SNTG1: variants seen among roughly 807,000 people sequenced by gnomAD.
SNTG1 encodes syntrophin gamma 1.
A neutral mutation model predicts 74.7 loss-of-function variants in SNTG1; 39 were observed. The observed-to-expected ratio is 0.52, with a 90% confidence interval of 0.40 to 0.68. The LOEUF (loss-of-function observed/expected upper bound fraction) is 0.68. Ranked by LOEUF, SNTG1 falls within the 30% of genes least tolerant of loss-of-function variation. The pLI, the probability that SNTG1 is intolerant of heterozygous loss-of-function variation, is 0.00. For missense variants in SNTG1, 685 were observed against 609.5 expected, an observed-to-expected ratio of 1.12 and a Z score of -1.30; for synonymous variants, 254 against 217.1, an observed-to-expected ratio of 1.17 and a Z score of -1.49.
intron 12 of SNTG1, among the ~76,000 whole-genome samples, chr8:50,559,486 C>G (rs1023061720): frequency 1.3e-5 from 2 of 151,952 alleles, no homozygotes; most frequent in Non-Finnish European, 1.5e-5. Context: ...GCAGGTTGAA[C>G]AAATAGTAAG....
chr8:50,165,685 A>G (rs866701757), intron 1 of SNTG1, among the ~76,000 whole-genome samples: 1 of 152,168 alleles, frequency 6.6e-6, no homozygotes, highest in African/African-American at 2.4e-5. Context: ...TGCAACTATA[A>G]TTTTCAGATA....
chr8:50,427,292 T>C (rs1445393208), intron 4 of SNTG1, among the ~76,000 whole-genome samples: 2 of 152,184 alleles, frequency 1.3e-5, no homozygotes, highest in African/African-American at 2.4e-5. Context: ...AAGTAAGCTT[T>C]GCAGAAATGT....
intron 1 of SNTG1, among the ~76,000 whole-genome samples, chr8:50,153,939 T>C (rs528387835): frequency 8.6e-4 from 131 of 152,226 alleles, no homozygotes; most frequent in South Asian, 3.3e-3. Context: ...CTGTCAGACA[T>C]GAACATTTAA....
At chr8:50,117,755 C>T (rs1213145798) in intron 1 of SNTG1, among the ~76,000 whole-genome samples, 2 of 152,298 alleles carry the variant, frequency 1.3e-5, no homozygotes, top group Non-Finnish European at 1.5e-5. Flanking sequence ...TGTAGATAAG[C>T]ATGTACTAGC....
chr8:50,702,493 A>C (rs149352832), intron 15 of SNTG1, among the ~76,000 whole-genome samples: 61 of 152,288 alleles, frequency 4.0e-4, no homozygotes, highest in African/African-American at 1.4e-3. Context: ...GAAACAATGA[A>C]AATAGTTATT....
At chr8:49,949,588 T>C (rs575344702) in intron 1 of SNTG1, among the ~76,000 whole-genome samples, 1 of 152,214 alleles carries the variant, frequency 6.6e-6, no homozygotes, top group Non-Finnish European at 1.5e-5. Flanking sequence ...CATTACTTCA[T>C]AGATGGACTC....
chr8:50,207,587 GT>G (rs1184967228), intron 2 of SNTG1, among the ~76,000 whole-genome samples: 2 of 152,032 alleles, frequency 1.3e-5, no homozygotes, highest in African/African-American at 4.8e-5. Flanking sequence ...TCTGATCTTA[GT>G]TATTTCTTGC....
chr8:50,636,233 G>C (rs925063517), intron 13 of SNTG1, among the ~76,000 whole-genome samples: 2 of 151,176 alleles, frequency 1.3e-5, no homozygotes, highest in African/African-American at 4.9e-5. Context: ...GCTGTGAGCT[G>C]TGCTGCCTGG....
chr8:50,272,455 C>T (rs1282826719), intron 2 of SNTG1, among the ~76,000 whole-genome samples: 1 of 152,086 alleles, frequency 6.6e-6, no homozygotes. Context: ...AACTTTGTGC[C>T]ATAACAAAGA....
At chr8:49,986,157 G>A (rs915707659) in intron 1 of SNTG1, among the ~76,000 whole-genome samples, 2 of 152,104 alleles carry the variant, frequency 1.3e-5, no homozygotes, top group African/African-American at 2.4e-5. Flanking sequence ...TCTGGCATTA[G>A]GGTAATGTAT....
At chr8:50,404,258 T>C (rs978958283) in intron 4 of SNTG1, among the ~76,000 whole-genome samples, 3 of 152,070 alleles carry the variant, frequency 2.0e-5, no homozygotes, top group African/African-American at 4.8e-5. Flanking sequence ...ACAAAAACTA[T>C]GTTGAAGGAA....
chr8:50,591,437 A>T (rs77821397), intron 13 of SNTG1, among the ~76,000 whole-genome samples: 2 of 152,204 alleles, frequency 1.3e-5, no homozygotes, highest in Non-Finnish European at 2.9e-5. Flanking sequence ...AATGATACAT[A>T]AATTACAAAT....
At chr8:50,687,871 A>G (rs2095359611) in intron 15 of SNTG1, among the ~76,000 whole-genome samples, 1 of 152,146 alleles carries the variant, frequency 6.6e-6, no homozygotes. Context: ...CAGTCCCACC[A>G]ATGGTGTAAA....
At chr8:50,369,220 A>G (rs2092205732) in intron 2 of SNTG1, among the ~76,000 whole-genome samples, 1 of 152,194 alleles carries the variant, frequency 6.6e-6, no homozygotes, top group Non-Finnish European at 1.5e-5. Context: ...ACTGTATTTC[A>G]TGGTAGGGAC....
chr8:50,373,773 T>G (rs2092319383), intron 2 of SNTG1, among the ~76,000 whole-genome samples: 1 of 152,196 alleles, frequency 6.6e-6, no homozygotes, highest in Admixed American at 6.5e-5. Context: ...TAATTCCATA[T>G]CTGTTCATGG....
At chr8:49,936,978 G>A (rs1417656940) in intron 1 of SNTG1, among the ~76,000 whole-genome samples, 1 of 152,034 alleles carries the variant, frequency 6.6e-6, no homozygotes, top group African/African-American at 2.4e-5. Context: ...GTAAAACCCC[G>A]TCTGTAGTAA....
intron 13 of SNTG1, among the ~76,000 whole-genome samples, chr8:50,636,274 T>A (rs748739923): frequency 4.0e-5 from 6 of 151,786 alleles, no homozygotes; most frequent in Non-Finnish European, 5.9e-5. Flanking sequence ...AGGCACTTCC[T>A]TAGCCACCCT....
At chr8:50,246,117 C>G (rs2086387389) in intron 2 of SNTG1, among the ~76,000 whole-genome samples, 1 of 149,936 alleles carries the variant, frequency 6.7e-6, no homozygotes, top group South Asian at 2.1e-4. Context: ...AGACCTGATA[C>G]TAGATGCATA....
intron 2 of SNTG1, among the ~76,000 whole-genome samples, chr8:50,201,347 G>A (rs2083979998): frequency 6.6e-6 from 1 of 151,970 alleles, no homozygotes; most frequent in Non-Finnish European, 1.5e-5. Context: ...AACTGTTTTA[G>A]ATTTAAAGAA....
Sources: gnomAD v4.1 joint callset for allele counts (sites outside exome capture counted in the v4.1 genomes callset) on GRCh38, gnomAD v4.1.1 for gene constraint, MANE v1.5 for transcripts, NCBI Gene and HGNC (gene_info 2026-07-23, HGNC 2026-07-21) for gene names.